The following PHYHIPL variants were observed in gnomAD, a reference collection of about 807,000 sequenced individuals.
The protein encoded by PHYHIPL is phytanoyl-CoA hydroxylase-interacting protein-like.
PHYHIPL carries 9 observed loss-of-function variants against 33.4 expected under a neutral mutation model. That is an observed-to-expected ratio of 0.27 (90% CI 0.16 to 0.47). The LOEUF (loss-of-function observed/expected upper bound fraction) is 0.47, where lower values mean the gene tolerates loss of function less well. PHYHIPL is among the 20% of genes least tolerant of loss of function. The pLI, the probability that PHYHIPL is intolerant of heterozygous loss-of-function variation, is 0.99. For missense variants in PHYHIPL, 365 were observed against 460.7 expected, an observed-to-expected ratio of 0.79 and a Z score of 1.90; for synonymous variants, 153 against 154.1, an observed-to-expected ratio of 0.99 and a Z score of 0.05.
chr10:59,246,572 TGTTTTC>T lies in PHYHIPL; in HGVS notation c.*984_*989del, dbSNP rs1432956889. On this transcript the variant is annotated 3_prime_UTR_variant, in exon 5 of 5. Coordinates refer to ENST00000373880, the MANE Select transcript of PHYHIPL (RefSeq NM_032439.4). ...TTTACAAAAATGAAAATAATAAACA[TGTTTTC>T]GTATAAAATAACACAAAATGATATA... 7.6e-6 allele frequency: 3 copies of T among 396,824 alleles called. No homozygotes were observed. Among genetic ancestry groups the T allele is most frequent in the African/African-American group, 2.1e-5 (1 of 48,588 alleles). The allele number at this position is 396,824 out of a possible 1,614,324, so 24.6% of individuals were successfully genotyped here. A position where few individuals can be genotyped will look rare whatever the true frequency, so the allele number is the denominator to read the frequency against.
chr10:59,174,481 A>G (rs1445395968), upstream of PHYHIPL, among the ~76,000 whole-genome samples: 5 of 152,186 alleles, frequency 3.3e-5, no homozygotes, highest in African/African-American at 1.2e-4. Flanking sequence ...TTTGAAGCCT[A>G]AAAACTCGAT....
At chr10:59,232,726 T>A (rs1840114838) in intron 1 of PHYHIPL, among the ~76,000 whole-genome samples, 2 of 148,720 alleles carry the variant, frequency 1.3e-5, no homozygotes, top group Admixed American at 6.6e-5. Context: ...GTGGACATAG[T>A]TATAATGCAG....
At chr10:59,173,921 G>GT (rs368316005), upstream of PHYHIPL, among the ~76,000 whole-genome samples, 181 of 57,542 alleles carry the variant, frequency 3.1e-3, 52 homozygotes, top group Non-Finnish European at 4.9e-3. Context: ...TACTTCTGAG[G>GT]TTTTTTTTTT....
At chr10:59,232,863 T>G (rs1246760675) in intron 1 of PHYHIPL, among the ~76,000 whole-genome samples, 1 of 151,964 alleles carries the variant, frequency 6.6e-6, no homozygotes. Flanking sequence ...ACAAAATTAC[T>G]AATTGCTATT....
chr10:59,229,175 A>G (rs1052344226), intron 1 of PHYHIPL, among the ~76,000 whole-genome samples: 2 of 152,190 alleles, frequency 1.3e-5, no homozygotes, highest in East Asian at 1.9e-4. Flanking sequence ...TTACTGATTT[A>G]TCTTTCATAG....
intron 1 of PHYHIPL, among the ~76,000 whole-genome samples, chr10:59,207,573 T>G (rs1839321894): frequency 6.6e-6 from 1 of 151,972 alleles, no homozygotes; most frequent in Admixed American, 6.6e-5. Context: ...AGATTCCTCC[T>G]CTCTAGGCAG....
chr10:59,239,411 A>G (rs1362912222), intron 4 of PHYHIPL, among the ~76,000 whole-genome samples: 1 of 151,942 alleles, frequency 6.6e-6, no homozygotes, highest in Non-Finnish European at 1.5e-5. Context: ...CAGCACAGGA[A>G]AGATTTCCCC....
chr10:59,211,664 TAAAAAAAA>T (rs58992023), intron 1 of PHYHIPL, among the ~76,000 whole-genome samples: 1 of 74,100 alleles, frequency 1.3e-5, no homozygotes, highest in Non-Finnish European at 2.6e-5. Context: ...GCGGACTCTC[TAAAAAAAA>T]AAAAAAAAAA....
At chr10:59,243,703 A>G (rs1012638798) in intron 4 of PHYHIPL, among the ~76,000 whole-genome samples, 3 of 152,100 alleles carry the variant, frequency 2.0e-5, no homozygotes, top group Admixed American at 6.5e-5. Context: ...CCCTTACTTG[A>G]GTAGTAGCTT....
chr10:59,234,921 A>G (rs1234096918), intron 2 of PHYHIPL, among the ~76,000 whole-genome samples: 1 of 151,896 alleles, frequency 6.6e-6, no homozygotes, highest in African/African-American at 2.4e-5. Flanking sequence ...TCCACTGAAC[A>G]TAATTTATTT....
chr10:59,211,201 C>T (rs891828739), intron 1 of PHYHIPL, among the ~76,000 whole-genome samples: 2 of 151,746 alleles, frequency 1.3e-5, no homozygotes, highest in Non-Finnish European at 2.9e-5. Flanking sequence ...AGTGAGACCC[C>T]CATGTCTAAA....
At chr10:59,206,298 G>C (rs1699298122) in intron 1 of PHYHIPL, among the ~76,000 whole-genome samples, 1 of 152,132 alleles carries the variant, frequency 6.6e-6, no homozygotes, top group South Asian at 2.1e-4. Context: ...CCTTTTGTTA[G>C]ACTACTTATA....
intron 1 of PHYHIPL, among the ~76,000 whole-genome samples, chr10:59,178,728 A>G (rs1156509797): frequency 2.0e-5 from 3 of 152,190 alleles, no homozygotes; most frequent in African/African-American, 7.2e-5. Flanking sequence ...AAACTTTTTA[A>G]TGAAGTTCAC....
At chr10:59,217,934 C>A (rs1189513239) in intron 1 of PHYHIPL, among the ~76,000 whole-genome samples, 1 of 152,054 alleles carries the variant, frequency 6.6e-6, no homozygotes, top group Non-Finnish European at 1.5e-5. Flanking sequence ...GGACTAAGAT[C>A]AGACTTTTAT....
chr10:59,226,419 CAAA>C (rs1188506552), intron 1 of PHYHIPL, among the ~76,000 whole-genome samples: 1 of 151,930 alleles, frequency 6.6e-6, no homozygotes, highest in Non-Finnish European at 1.5e-5. Context: ...AAGCAAGAGA[CAAA>C]AAGAAGGCCC....
At chr10:59,182,312 ACCT>A (rs1238453944) in intron 1 of PHYHIPL, among the ~76,000 whole-genome samples, 1 of 152,016 alleles carries the variant, frequency 6.6e-6, no homozygotes, top group Non-Finnish European at 1.5e-5. Flanking sequence ...TAAAACCTAT[ACCT>A]CCTTTTTAAA....
chr10:59,180,888 G>A (rs1331335555), intron 1 of PHYHIPL, among the ~76,000 whole-genome samples: 1 of 152,118 alleles, frequency 6.6e-6, no homozygotes, highest in Non-Finnish European at 1.5e-5. Flanking sequence ...ATTTTCTGAA[G>A]CAGACATCTA....
At chr10:59,180,571 T>C (rs1388040042) in intron 1 of PHYHIPL, among the ~76,000 whole-genome samples, 5 of 151,766 alleles carry the variant, frequency 3.3e-5, no homozygotes, top group African/African-American at 4.8e-5. Flanking sequence ...GTATAAACCA[T>C]AGGGTTTATG....
intron 1 of PHYHIPL, among the ~76,000 whole-genome samples, chr10:59,210,403 G>A (rs1368526319): frequency 4.6e-5 from 7 of 152,158 alleles, no homozygotes; most frequent in Admixed American, 4.6e-4. Context: ...TTAGAATGGC[G>A]ATCATTAAAA....
Sources: allele counts gnomAD v4.1 joint callset (sites outside exome capture counted in the v4.1 genomes callset), GRCh38; gene constraint gnomAD v4.1.1; transcripts MANE v1.5; gene names NCBI Gene and HGNC (gene_info 2026-07-23, HGNC 2026-07-21).